Variants in MMUT observed in about 807,000 individuals in gnomAD.
The protein encoded by MMUT is methylmalonyl-CoA mutase, mitochondrial.
MMUT carries 79 observed loss-of-function variants against 79.9 expected under a neutral mutation model. The observed-to-expected ratio is 0.99, with a 90% CI of 0.82 to 1.19. The LOEUF (loss-of-function observed/expected upper bound fraction) is 1.19, where lower values mean the gene tolerates loss of function less well. MMUT is among the 50% of genes most tolerant of loss of function. The probability of loss-of-function intolerance (pLI) is 0.00; values close to 1 mark genes in which losing one functional copy is unlikely to be tolerated. For synonymous variants in MMUT, 273 were observed against 295.7 expected (o/e 0.92, Z 0.79); for missense variants, 860 against 917.2 (o/e 0.94, Z 0.81).
At chr6:49,453,852 T>C in intron 4 of MMUT, 96 bp from the exon 5 acceptor site, 1 of 1,062,354 alleles carries the variant, frequency 9.4e-7, no homozygotes, top group East Asian at 2.4e-5. Context: ...AATCAAGGTC[T>C]ATATTTTAAT....
intron 5 of MMUT, 62 bp downstream of exon 5, chr6:49,453,523 G>T: frequency 2.3e-6 from 2 of 884,558 alleles, no homozygotes; most frequent in South Asian, 3.1e-5. Flanking sequence ...GTGCCACATT[G>T]CTCAGAAAAA....
chr6:49,432,984 A>G (rs1767026108), intron 12 of MMUT, among the ~76,000 whole-genome samples: 1 of 152,206 alleles, frequency 6.6e-6, no homozygotes, highest in Non-Finnish European at 1.5e-5. Flanking sequence ...TCTCTATTAT[A>G]TACTTGTAAT....
intron 9 of MMUT, among the ~76,000 whole-genome samples, chr6:49,442,231 T>C (rs1413177690): frequency 1.3e-5 from 2 of 152,102 alleles, no homozygotes; most frequent in Admixed American, 6.6e-5. Context: ...AATAATTATA[T>C]ATATAGACAA....
chr6:49,431,988 T>C (rs1314047549), intron 12 of MMUT, 132 bp from the exon 13 acceptor site: 3 of 995,764 alleles, frequency 3.0e-6, no homozygotes, highest in Non-Finnish European at 4.6e-6. Context: ...CATTTGGGGC[T>C]AAAAAATTCT....
At chr6:49,444,601 T>C (rs1398474739) in intron 9 of MMUT, 38 bp downstream of exon 9, 5 of 1,558,464 alleles carry the variant, frequency 3.2e-6, no homozygotes, top group Non-Finnish European at 4.4e-6. Context: ...CTGGTCAACT[T>C]TTAGTCTTTG....
chr6:49,450,410 G>A (rs1767522756), intron 6 of MMUT, among the ~76,000 whole-genome samples: 1 of 151,740 alleles, frequency 6.6e-6, no homozygotes, highest in African/African-American at 2.4e-5. Context: ...AAAAAAAGGT[G>A]AGATGAAAAA....
chr6:49,435,938 C>T (rs1373861652), intron 11 of MMUT, among the ~76,000 whole-genome samples: 2 of 151,850 alleles, frequency 1.3e-5, no homozygotes, highest in African/African-American at 4.8e-5. Flanking sequence ...AACAAATTTA[C>T]AAAAAAACAT....
Position 49,450,048 on chromosome 6 carries a change from C to T in MMUT, c.1333-1121G>A, listed in dbSNP as rs913108240. The stretch of plus-strand genomic sequence containing the variant: ...GAGTTTGAGACCAGCCTGACCAACA[C>T]GGTGAACCCCCGTCTCCATTAAAAA... On this transcript the variant is annotated intron_variant, in intron 6 of 12. Transcript: ENST00000274813. 7.9e-5 allele frequency among the ~76,000 whole-genome samples: 12 copies of T among 151,628 alleles called. 1 individual carries two copies. The East Asian group carries it at 1.4e-3, about 17-fold the overall frequency.
rs574691154 is a variant in MMUT, at chr6:49,460,963, C to G, written c.-39-1458G>C. On this transcript the variant is annotated intron_variant, in intron 1 of 12. Coordinates refer to ENST00000274813, the MANE Select transcript of MMUT (RefSeq NM_000255.4). ...GCCATTCCACTGAGGAACATTACTCCTGGGAAAGCTTCTGTAGTAATATAT... is the reference window on the plus strand; with the variant it reads ...GCCATTCCACTGAGGAACATTACTCGTGGGAAAGCTTCTGTAGTAATATAT... Among the ~76,000 whole-genome samples, 4 of 152,236 alleles carry G rather than the reference C, an allele frequency of 2.6e-5. No homozygotes were observed. The South Asian group carries it at 8.3e-4, about 31-fold the overall frequency.
At chr6:49,451,350 A>G in intron 6 of MMUT, 116 bp downstream of exon 6, 1 of 1,183,818 alleles carries the variant, frequency 8.4e-7, no homozygotes, top group Non-Finnish European at 1.2e-6. Flanking sequence ...TAAATCTGTA[A>G]GTGATTTGAT....
rs1767366914 is a variant in MMUT at position 49,444,702 on chromosome 6, G to A, written c.1613C>T (p.Thr538Ile). 2 of 1,613,316 alleles carry A rather than the reference G, an allele frequency of 1.2e-6. No homozygotes were observed. Among genetic ancestry groups the A allele is most frequent in the Non-Finnish European group, 8.5e-7 (1 of 1,179,566 alleles). ...TCCATCTCCGCTAGCAGCACATTCG[G>A]TTAGTGCAGCAAGACAACGTTCAGC... is the stretch of plus-strand genomic sequence containing the variant. ...ALAERCLAAL[T>I]ECAASGDGNI... The change falls in exon 9 of 13, where the codon ACC (threonine) becomes ATC (isoleucine). Residue 538 changes from threonine to isoleucine, a missense_variant. Thr to Ile is a moderately conservative substitution (Grantham distance 89). Transcript: ENST00000274813.
intron 8 of MMUT, 37 bp downstream of exon 8, chr6:49,447,633 A>C (rs750116259): frequency 1.6e-6 from 2 of 1,227,216 alleles, no homozygotes; most frequent in Admixed American, 3.5e-5. Context: ...AACACAGAAA[A>C]TACTTAAAAA....
intron 11 of MMUT, among the ~76,000 whole-genome samples, chr6:49,435,945 A>G (rs183136964): frequency 6.6e-6 from 1 of 152,184 alleles, no homozygotes; most frequent in Non-Finnish European, 1.5e-5. Flanking sequence ...TTACAAAAAA[A>G]CATTAAAAAG....
At chr6:49,444,833 A>G (rs1004578092) in intron 8 of MMUT, 79 bp from the exon 9 acceptor site, 20 of 1,086,346 alleles carry the variant, frequency 1.8e-5, no homozygotes, top group Admixed American at 5.7e-5. Flanking sequence ...ACCCTGATGC[A>G]TAGCATATGG....
chr6:49,462,561 G>A (rs780602450), intron 1 of MMUT, among the ~76,000 whole-genome samples: 3 of 152,180 alleles, frequency 2.0e-5, no homozygotes, highest in Non-Finnish European at 4.4e-5. Flanking sequence ...AGATAAAACT[G>A]AGAACGAGTT....
chr6:49,432,539 C>A (rs1198891515), intron 12 of MMUT, among the ~76,000 whole-genome samples: 1 of 152,122 alleles, frequency 6.6e-6, no homozygotes, highest in Non-Finnish European at 1.5e-5. Flanking sequence ...AGGCGCCCGC[C>A]ACCATGCCCG....
chr6:49,439,804 G>C (rs1253135130), intron 11 of MMUT, among the ~76,000 whole-genome samples: 1 of 152,138 alleles, frequency 6.6e-6, no homozygotes, highest in Non-Finnish European at 1.5e-5. Flanking sequence ...CCCATCCTCT[G>C]GCATGCAACT....
chr6:49,453,325 C>T (rs1767603734), intron 5 of MMUT, among the ~76,000 whole-genome samples: 1 of 151,942 alleles, frequency 6.6e-6, no homozygotes, highest in Non-Finnish European at 1.5e-5. Context: ...TTTACTTTTA[C>T]AAGTGTTTCA....
intron 12 of MMUT, 51 bp downstream of exon 12, chr6:49,435,405 C>T (rs575636400): frequency 6.6e-7 from 1 of 1,508,050 alleles, no homozygotes; most frequent in Admixed American, 1.7e-5. Flanking sequence ...AATAAGCTAT[C>T]ATTACTCAAG....
Sources: gnomAD v4.1 joint callset for allele counts (sites outside exome capture counted in the v4.1 genomes callset) on GRCh38, gnomAD v4.1.1 for gene constraint, MANE v1.5 for transcripts, NCBI Gene and HGNC (gene_info 2026-07-23, HGNC 2026-07-21) for gene names.